SLC22A23: variants seen among roughly 807,000 people sequenced by gnomAD.
The protein encoded by SLC22A23 is ion transporter protein.
Under a neutral mutation model 61.0 loss-of-function variants are expected in SLC22A23, and 26 were observed. That is an observed-to-expected ratio of 0.43 (90% confidence interval 0.31 to 0.59). The LOEUF (loss-of-function observed/expected upper bound fraction) is 0.59, where lower values mean the gene tolerates loss of function less well. SLC22A23 is among the 20% of genes least tolerant of loss of function. SLC22A23 has a pLI of 0.11. For synonymous variants in SLC22A23, 430 were observed against 413.9 expected (o/e 1.04, Z -0.47); for missense variants, 796 against 934.7 (o/e 0.85, Z 1.94).
At chr6:3,435,555 C>T (rs1408049187) in intron 1 of SLC22A23, among the ~76,000 whole-genome samples, 1 of 152,144 alleles carries the variant, frequency 6.6e-6, no homozygotes, top group East Asian at 1.9e-4. Context: ...GTTCTGGCAG[C>T]TGCCCTCACT....
At chr6:3,423,228 A>C (rs1770265806) in intron 1 of SLC22A23, among the ~76,000 whole-genome samples, 2 of 152,032 alleles carry the variant, frequency 1.3e-5, no homozygotes, top group Non-Finnish European at 2.9e-5. Context: ...AAAAATTACC[A>C]CCTGAACACA....
intron 3 of SLC22A23, among the ~76,000 whole-genome samples, chr6:3,351,159 C>T (rs527801329): frequency 5.9e-5 from 9 of 152,174 alleles, no homozygotes; most frequent in African/African-American, 2.2e-4. Context: ...AGGCTAATGC[C>T]GTTTGTATAG....
chr6:3,297,959 G>A lies in SLC22A23; in HGVS notation c.1210+132C>T, dbSNP rs1761261575. On this transcript the variant is annotated intron_variant, in intron 5 of 9. Transcript: ENST00000406686. This position sits in a 1 kb window ranked among gnomAD's most constrained non-coding sequence, Gnocchi z 4.3. ...ATGTCAAGGTTGCCACATTGCCCTT[G>A]TGCAGGCCAAAAGGTCACAGGAGAA... The A allele has an allele frequency of 9.0e-7, 1 of 1,105,780 alleles. No individual in the cohort carries two copies. Among genetic ancestry groups the A allele is most frequent in the African/African-American group, 1.6e-5 (1 of 61,172 alleles). The allele number at this position is 1,105,780 out of a possible 1,614,324, so 68.5% of individuals were successfully genotyped here.
intron 3 of SLC22A23, among the ~76,000 whole-genome samples, chr6:3,369,468 A>G (rs1044684370): frequency 1.3e-5 from 2 of 152,192 alleles, no homozygotes; most frequent in African/African-American, 4.8e-5. Context: ...AGGCGGGTGG[A>G]TCACCTGAAC....
At position 3,415,872 on chromosome 6, in the gene SLC22A23, A is replaced by G; in HGVS notation, c.655-17T>C. On this transcript the variant is annotated splice_polypyrimidine_tract_variant and intron_variant, in intron 1 of 9. Transcript: ENST00000406686. ...AAGATCCCACTAGAGAGGGGCAAAT[A>G]GAAAATAAATCAGAGAGAAACATAC... The G allele has an allele frequency of 6.6e-7, 1 of 1,516,030 alleles. No individual in the cohort carries two copies. Among genetic ancestry groups the G allele is most frequent in the Non-Finnish European group, 9.0e-7 (1 of 1,114,176 alleles). 93.9% of individuals were successfully genotyped at this position (1,516,030 alleles called of 1,614,324 possible).
intron 4 of SLC22A23, among the ~76,000 whole-genome samples, chr6:3,323,037 A>G (rs983166077): frequency 6.9e-6 from 1 of 145,736 alleles, no homozygotes; most frequent in Admixed American, 6.8e-5. Flanking sequence ...TCTTGACTCA[A>G]CATAAATTCC....
chr6:3,363,767 G>A (rs1765630473), intron 3 of SLC22A23, among the ~76,000 whole-genome samples: 1 of 152,274 alleles, frequency 6.6e-6, no homozygotes, highest in Non-Finnish European at 1.5e-5. Flanking sequence ...GGTGGTGGGA[G>A]CTGCCTCCTT....
chr6:3,392,629 A>G (rs1344272195), intron 3 of SLC22A23, among the ~76,000 whole-genome samples: 1 of 152,226 alleles, frequency 6.6e-6, no homozygotes, highest in Non-Finnish European at 1.5e-5. Context: ...TGAGGGACTC[A>G]GAATGTAATT....
rs970028489 is a variant in SLC22A23 at position 3,308,660 on chromosome 6, A to G, written c.1083-10442T>C. ...ATAAAACCTAACATAAAACCACAGC[A>G]TGGGCCGGGTGTGGTGGCTCACACC... is the stretch of plus-strand genomic sequence containing the variant. On this transcript the variant is annotated intron_variant, in intron 4 of 9. Transcript: ENST00000406686. This position sits in a 1 kb window ranked among gnomAD's most constrained non-coding sequence, Gnocchi z 5.1. Among the ~76,000 whole-genome samples, 5 of 152,278 alleles carry G rather than the reference A, an allele frequency of 3.3e-5. No homozygotes were observed. Among genetic ancestry groups the G allele is most frequent in the South Asian group, 2.1e-4 (1 of 4,818 alleles).
At chr6:3,357,070 A>C (rs1287777672) in intron 3 of SLC22A23, among the ~76,000 whole-genome samples, 2 of 151,212 alleles carry the variant, frequency 1.3e-5, no homozygotes, top group Admixed American at 6.6e-5. Context: ...AAAAAAAAAA[A>C]AAAAAAAAAA....
intron 4 of SLC22A23, among the ~76,000 whole-genome samples, chr6:3,298,828 C>T (rs901521663): frequency 4.6e-5 from 7 of 151,544 alleles, no homozygotes; most frequent in African/African-American, 9.7e-5. Context: ...AAAAATTAGC[C>T]GGGCGCAGTG....
chr6:3,392,597 G>C (rs764278931), intron 3 of SLC22A23, among the ~76,000 whole-genome samples: 5 of 152,190 alleles, frequency 3.3e-5, no homozygotes, highest in African/African-American at 4.8e-5. Flanking sequence ...GCCTCAGGGG[G>C]TGGCAGTGGA....
At chr6:3,367,438 C>A (rs1183266766) in intron 3 of SLC22A23, among the ~76,000 whole-genome samples, 2 of 152,202 alleles carry the variant, frequency 1.3e-5, no homozygotes, top group South Asian at 2.1e-4. Flanking sequence ...TGTGACGGCA[C>A]CTACAGGGTT....
intron 9 of SLC22A23, among the ~76,000 whole-genome samples, chr6:3,283,126 G>C (rs1358817285): frequency 6.6e-6 from 1 of 152,124 alleles, no homozygotes; most frequent in Non-Finnish European, 1.5e-5. Context: ...AACTTCTCAG[G>C]TCAGTATGAA....
chr6:3,398,485 A>G (rs75132143), intron 3 of SLC22A23, among the ~76,000 whole-genome samples: 2 of 145,946 alleles, frequency 1.4e-5, no homozygotes, highest in Non-Finnish European at 3.0e-5. Context: ...TACAAGAATC[A>G]TCAAAAGCCC....
intron 4 of SLC22A23, chr6:3,313,368 T>A (rs1229619381): frequency 6.6e-6 from 1 of 152,252 alleles, no homozygotes; most frequent in Non-Finnish European, 1.5e-5. Context: ...ATTTTTTTTA[T>A]GTTTCCTATT....
At chr6:3,357,289 C>G (rs1765175000) in intron 3 of SLC22A23, among the ~76,000 whole-genome samples, 1 of 152,202 alleles carries the variant, frequency 6.6e-6, no homozygotes, top group Non-Finnish European at 1.5e-5. Context: ...GAGGACTTAT[C>G]CCAGCCTCTG....
At chr6:3,370,850 C>T (rs1378564143) in intron 3 of SLC22A23, among the ~76,000 whole-genome samples, 1 of 152,228 alleles carries the variant, frequency 6.6e-6, no homozygotes, top group Non-Finnish European at 1.5e-5. Flanking sequence ...GTTCAATTTC[C>T]TGAAAACAGC....
intron 9 of SLC22A23, chr6:3,283,641 G>C (rs763839761): frequency 2.4e-5 from 15 of 621,034 alleles, no homozygotes; most frequent in Non-Finnish European, 4.1e-5. Flanking sequence ...TCCTGCTGCT[G>C]CCTGGACAGG....
Sources: gnomAD v4.1 joint callset for allele counts (sites outside exome capture counted in the v4.1 genomes callset) on GRCh38, gnomAD v4.1.1 for gene constraint, Gnocchi (gnomAD v3.1) non-coding constraint, MANE v1.5 for transcripts, NCBI Gene and HGNC (gene_info 2026-07-23, HGNC 2026-07-21) for gene names.